GABRG3: variants seen among roughly 807,000 people sequenced by gnomAD.
GABRG3 encodes the protein gamma-aminobutyric acid receptor subunit gamma-3.
In GABRG3, 25 loss-of-function variants were observed where a neutral mutation model predicts 48.8. The ratio of observed to expected loss-of-function variants is 0.51; its 90% CI spans 0.37 to 0.72. The LOEUF (loss-of-function observed/expected upper bound fraction) is 0.72. Among genes scored for constraint, GABRG3 ranks in the 30% least tolerant of loss-of-function variants. The probability of loss-of-function intolerance (pLI) is 0.00; values close to 1 mark genes in which losing one functional copy is unlikely to be tolerated. For missense variants in GABRG3, 394 were observed against 577.9 expected, an observed-to-expected ratio of 0.68 and a Z score of 3.26; for synonymous variants, 227 against 217.6, an observed-to-expected ratio of 1.04 and a Z score of -0.38.
chr15:27,182,705 C>T (rs1887969799), intron 3 of GABRG3, among the ~76,000 whole-genome samples: 1 of 152,140 alleles, frequency 6.6e-6, no homozygotes, highest in Non-Finnish European at 1.5e-5. Context: ...GAGATTTGTG[C>T]TGGAGTCAAG....
intron 2 of GABRG3, among the ~76,000 whole-genome samples, chr15:27,015,485 C>T (rs375580688): frequency 1.3e-3 from 190 of 150,848 alleles, no homozygotes; most frequent in Middle Eastern, 3.4e-3. Flanking sequence ...CCCGGGTTCA[C>T]GCCATTCTCC....
chr15:27,351,283 G>GTTGTGTGTATGGTGTGT (rs1283741176), intron 5 of GABRG3, among the ~76,000 whole-genome samples: 1 of 139,888 alleles, frequency 7.1e-6, no homozygotes, highest in Non-Finnish European at 1.6e-5. Context: ...GTGTGTATAT[G>GTTGTGTGTATGGTGTGT]TTGTGTGTAT....
At chr15:27,351,465 G>A (rs544125384) in intron 5 of GABRG3, among the ~76,000 whole-genome samples, 1 of 145,400 alleles carries the variant, frequency 6.9e-6, no homozygotes, top group South Asian at 2.3e-4. Context: ...GTGTTTGTGT[G>A]TGTATGTTTG....
chr15:27,071,182 T>C (rs1490833673), intron 3 of GABRG3, among the ~76,000 whole-genome samples: 1 of 152,192 alleles, frequency 6.6e-6, no homozygotes, highest in Non-Finnish European at 1.5e-5. Flanking sequence ...GGGTAGTAGC[T>C]GTGTTGATAT....
intron 3 of GABRG3, among the ~76,000 whole-genome samples, chr15:27,211,460 A>G (rs1595588551): frequency 1.3e-5 from 2 of 152,348 alleles, no homozygotes; most frequent in South Asian, 4.1e-4. Context: ...GAATTTAAAT[A>G]CTTCTAAATC....
intron 7 of GABRG3, among the ~76,000 whole-genome samples, chr15:27,526,901 A>T (rs1265296256): frequency 2.0e-5 from 3 of 152,210 alleles, no homozygotes; most frequent in Non-Finnish European, 2.9e-5. Flanking sequence ...ATGTAAAGAC[A>T]TATGCGATTC....
At chr15:27,388,072 AG>A (rs1338666301) in intron 5 of GABRG3, among the ~76,000 whole-genome samples, 15 of 100,262 alleles carry the variant, frequency 1.5e-4, no homozygotes, top group African/African-American at 1.9e-4. Context: ...AGGGTAAGGA[AG>A]GAAGGAAGGA....
rs111561418 is a variant in GABRG3, at chr15:27,158,712, A to G, written c.270+131891A>G. On this transcript the variant is annotated intron_variant, in intron 3 of 9. Transcript: ENST00000615808. The stretch of plus-strand genomic sequence containing the variant: ...TAAGTTAAAAATTTAATAACAAATA[A>G]ATGGCATTATTGTCAAATATTAAAA... 5.3e-3 allele frequency among the ~76,000 whole-genome samples: 814 copies of G among 152,330 alleles called. 9 individuals carry two copies. Among genetic ancestry groups the G allele is most frequent in the African/African-American group, 0.018 (755 of 41,580 alleles).
chr15:27,197,751 G>C (rs189059577), intron 3 of GABRG3, among the ~76,000 whole-genome samples: 193 of 152,166 alleles, frequency 1.3e-3, no homozygotes, highest in African/African-American at 3.9e-3. Context: ...GCTTTTTTTG[G>C]TTGGTAGGCT....
At chr15:27,197,694 T>G (rs1431584151) in intron 3 of GABRG3, among the ~76,000 whole-genome samples, 1 of 152,194 alleles carries the variant, frequency 6.6e-6, no homozygotes, top group Non-Finnish European at 1.5e-5. Flanking sequence ...TACCAGCTCC[T>G]GCTTGTACCT....
At chr15:27,043,110 C>G (rs1389186328) in intron 3 of GABRG3, among the ~76,000 whole-genome samples, 2 of 152,218 alleles carry the variant, frequency 1.3e-5, no homozygotes, top group Admixed American at 6.5e-5. Flanking sequence ...CCCACCCCAT[C>G]TTTCCAGCCC....
intron 2 of GABRG3, among the ~76,000 whole-genome samples, chr15:26,978,602 T>C (rs1894994648): frequency 6.6e-6 from 1 of 152,206 alleles, no homozygotes; most frequent in South Asian, 2.1e-4. Flanking sequence ...CTTGACTGAA[T>C]TGCTTTTATG....
chr15:27,280,341 A>G (rs971226653), intron 3 of GABRG3: 1 of 152,188 alleles, frequency 6.6e-6, no homozygotes, highest in Non-Finnish European at 1.5e-5. Context: ...TGGTGTTTCC[A>G]GGCAGTCTCC....
chr15:26,989,050 C>G (rs1009402282), intron 2 of GABRG3, among the ~76,000 whole-genome samples: 2 of 152,148 alleles, frequency 1.3e-5, no homozygotes, highest in Admixed American at 1.3e-4. Flanking sequence ...AAGCTACTCA[C>G]TCAGGGGTAG....
intron 3 of GABRG3, among the ~76,000 whole-genome samples, chr15:27,105,605 A>C (rs1897436314): frequency 6.6e-6 from 1 of 152,206 alleles, no homozygotes; most frequent in Non-Finnish European, 1.5e-5. Context: ...ATAACGTTTT[A>C]GGATGGCGGT....
intron 3 of GABRG3, among the ~76,000 whole-genome samples, chr15:27,326,440 C>T (rs991093279): frequency 1.4e-4 from 21 of 152,288 alleles, no homozygotes; most frequent in East Asian, 9.7e-4. Context: ...TTATGTTCCC[C>T]ATTTTATAGA....
intron 5 of GABRG3, among the ~76,000 whole-genome samples, chr15:27,471,986 TTAA>T (rs749452796): frequency 4.9e-4 from 75 of 152,304 alleles, no homozygotes; most frequent in Admixed American, 8.5e-4. Flanking sequence ...ATAAAAAAAG[TTAA>T]TAATCTTCTT....
At chr15:27,191,296 A>G (rs1464817807) in intron 3 of GABRG3, among the ~76,000 whole-genome samples, 3 of 152,074 alleles carry the variant, frequency 2.0e-5, no homozygotes, top group Non-Finnish European at 1.5e-5. Flanking sequence ...TTTCTGTCTC[A>G]TTGATCTGTC....
intron 7 of GABRG3, among the ~76,000 whole-genome samples, chr15:27,522,380 A>C (rs189199261): frequency 1.4e-4 from 21 of 152,042 alleles, no homozygotes; most frequent in Admixed American, 1.2e-3. Context: ...TCAATAGAAA[A>C]ATGGATTTAC....
Sources: gnomAD v4.1 joint callset for allele counts (sites outside exome capture counted in the v4.1 genomes callset) on GRCh38, gnomAD v4.1.1 for gene constraint, MANE v1.5 for transcripts, NCBI Gene and HGNC (gene_info 2026-07-23, HGNC 2026-07-21) for gene names.